The following DCUN1D4 variants were observed in gnomAD, a reference collection of about 807,000 sequenced individuals.
The protein encoded by DCUN1D4 is defective in cullin neddylation 1 domain containing 4.
Under a neutral mutation model 47.9 loss-of-function variants are expected in DCUN1D4, and 22 were observed. The observed-to-expected ratio is 0.46, with a 90% CI of 0.33 to 0.66. The LOEUF (loss-of-function observed/expected upper bound fraction) is 0.66, where lower values mean the gene tolerates loss of function less well. DCUN1D4 is among the 30% of genes least tolerant of loss of function. The probability of loss-of-function intolerance (pLI) is 0.02; values close to 1 mark genes in which losing one functional copy is unlikely to be tolerated. For missense variants in DCUN1D4, 301 were observed against 340.8 expected, an observed-to-expected ratio of 0.88 and a Z score of 0.92; for synonymous variants, 121 against 112.2, an observed-to-expected ratio of 1.08 and a Z score of -0.50.
intron 6 of DCUN1D4, among the ~76,000 whole-genome samples, chr4:51,888,189 A>G (rs533917429): frequency 2.1e-4 from 32 of 152,168 alleles, no homozygotes; most frequent in African/African-American, 7.5e-4. Context: ...TATATGACAG[A>G]GGAGTGGCAG....
chr4:51,853,841 G>A (rs1224094164), intron 1 of DCUN1D4, among the ~76,000 whole-genome samples: 1 of 152,162 alleles, frequency 6.6e-6, no homozygotes, highest in Non-Finnish European at 1.5e-5. Flanking sequence ...TCCCCCATGG[G>A]CACTGCACTG....
At position 51,913,325 on chromosome 4, in the gene DCUN1D4, G is replaced by A. The variant is rs988204877; in HGVS notation, c.756G>A (p.Trp252Ter). The change falls in exon 10 of 11, where the codon TGG becomes TGA. Residue 252 changes from tryptophan to a stop codon, truncating the protein, a stop_gained. Coordinates refer to ENST00000334635, the MANE Select transcript of DCUN1D4 (RefSeq NM_001040402.3). LOFTEE classifies it high-confidence loss of function. ...ACAAAGTTATTAATAAAGACCAGTG[G>A]TGCAATGTCCTAGAGTTTAGCAGAA... Reference protein sequence around the residue: ...SKYKVINKDQWCNVLEFSRTI... With the variant: ...SKYKVINKDQ The A allele has an allele frequency of 1.2e-6, 2 of 1,611,698 alleles. No homozygotes were observed. The highest frequency in any genetic ancestry group is 1.3e-5 in the African/African-American group (1 of 74,940).
At chr4:51,899,982 G>C (rs1731853602) in intron 8 of DCUN1D4, among the ~76,000 whole-genome samples, 1 of 152,132 alleles carries the variant, frequency 6.6e-6, no homozygotes, top group African/African-American at 2.4e-5. Context: ...CATACATAGA[G>C]AATTTTGAAG....
At chr4:51,886,483 A>T in intron 5 of DCUN1D4, 85 bp from the exon 6 acceptor site, 2 of 1,168,266 alleles carry the variant, frequency 1.7e-6, no homozygotes, top group Non-Finnish European at 2.4e-6. Context: ...TTTAAGTCTT[A>T]CTTGTTGACA....
chr4:51,891,958 G>A, intron 7 of DCUN1D4, 107 bp downstream of exon 7: 1 of 862,254 alleles, frequency 1.2e-6, no homozygotes, highest in Non-Finnish European at 1.8e-6. Context: ...GAAGTCAGGT[G>A]GTCTGGCCAA....
At chr4:51,843,747 G>T (rs1229512505) in intron 1 of DCUN1D4, 1 of 1,195,120 alleles carries the variant, frequency 8.4e-7, no homozygotes, top group Admixed American at 4.6e-5. Context: ...AGGCGGGTGA[G>T]TGCGAGGGGG....
chr4:51,891,412 T>C (rs1458333006), intron 6 of DCUN1D4, among the ~76,000 whole-genome samples: 1 of 152,250 alleles, frequency 6.6e-6, no homozygotes, highest in African/African-American at 2.4e-5. Context: ...TGTGTCTGTT[T>C]ACAGGTAGAC....
intron 3 of DCUN1D4, among the ~76,000 whole-genome samples, chr4:51,868,131 G>T (rs751344311): frequency 2.6e-5 from 4 of 152,244 alleles, no homozygotes; most frequent in Non-Finnish European, 5.9e-5. Flanking sequence ...GTAGGGAGAT[G>T]CCAGGAAGTG....
chr4:51,845,069 A>C (rs1389624400), intron 1 of DCUN1D4: 2 of 985,390 alleles, frequency 2.0e-6, no homozygotes, highest in Non-Finnish European at 2.4e-6. Flanking sequence ...TTGTGGCCTT[A>C]CTTGTGGAAT....
chr4:51,888,516 G>A (rs1186483145), intron 6 of DCUN1D4, among the ~76,000 whole-genome samples: 5 of 151,930 alleles, frequency 3.3e-5, no homozygotes, highest in Admixed American at 1.3e-4. Context: ...CGAGACAGGC[G>A]GATCACCTGA....
intron 8 of DCUN1D4, among the ~76,000 whole-genome samples, chr4:51,909,821 A>G (rs891417165): frequency 6.6e-6 from 1 of 152,206 alleles, no homozygotes; most frequent in Non-Finnish European, 1.5e-5. Flanking sequence ...AAAAGGCCAG[A>G]TCTATTGCAC....
intron 1 of DCUN1D4, among the ~76,000 whole-genome samples, chr4:51,850,530 A>G (rs1199238777): frequency 6.6e-6 from 1 of 152,236 alleles, no homozygotes; most frequent in Non-Finnish European, 1.5e-5. Context: ...TGTGCGCTTC[A>G]GAGCCCTCAT....
intron 1 of DCUN1D4, chr4:51,860,810 G>GACTAAGTC: frequency 3.3e-6 from 1 of 305,266 alleles, no homozygotes; most frequent in African/African-American, 2.2e-5. Flanking sequence ...GAGAATTACA[G>GACTAAGTC]TTCAACATAA....
chr4:51,838,962 C>A (rs577255281), upstream of DCUN1D4, among the ~76,000 whole-genome samples: 1 of 152,238 alleles, frequency 6.6e-6, no homozygotes, highest in East Asian at 1.9e-4. Flanking sequence ...GTAATCCCAG[C>A]TACTTGAGAG....
upstream of DCUN1D4, among the ~76,000 whole-genome samples, chr4:51,838,116 G>A (rs1721543062): frequency 2.0e-5 from 3 of 152,162 alleles, no homozygotes; most frequent in African/African-American, 7.2e-5. Context: ...AGATTGCAGT[G>A]AGCCAAGATC....
chr4:51,853,568 G>A (rs554902024), intron 1 of DCUN1D4, among the ~76,000 whole-genome samples: 4 of 152,296 alleles, frequency 2.6e-5, no homozygotes, highest in South Asian at 4.1e-4. Flanking sequence ...CTACTGGCAC[G>A]CCAGGGATTG....
chr4:51,913,422 C>G (rs774088304), intron 10 of DCUN1D4, 30 bp downstream of exon 10: 1 of 1,586,506 alleles, frequency 6.3e-7, no homozygotes, highest in East Asian at 2.2e-5. Context: ...TTCTGCCATT[C>G]GTGTACATTT....
chr4:51,912,738 G>A (rs887876546), intron 9 of DCUN1D4, among the ~76,000 whole-genome samples: 1 of 152,176 alleles, frequency 6.6e-6, no homozygotes, highest in Non-Finnish European at 1.5e-5. Flanking sequence ...ATTTTTTTCT[G>A]TGACAAGAAC....
intron 8 of DCUN1D4, among the ~76,000 whole-genome samples, chr4:51,909,245 T>G (rs1033648126): frequency 6.7e-6 from 1 of 149,278 alleles, no homozygotes; most frequent in African/African-American, 2.5e-5. Flanking sequence ...GATTTGGGGT[T>G]TAGTGAATGA....
Sources: allele counts gnomAD v4.1 joint callset (sites outside exome capture counted in the v4.1 genomes callset), GRCh38; gene constraint gnomAD v4.1.1; transcripts MANE v1.5; gene names NCBI Gene and HGNC (gene_info 2026-07-23, HGNC 2026-07-21).